DMD: variants seen among roughly 807,000 people sequenced by gnomAD.
DMD encodes mutant dystrophin.
DMD carries 63 observed loss-of-function variants against 330.1 expected under a neutral mutation model. The ratio of observed to expected loss-of-function variants is 0.19; its 90% CI spans 0.16 to 0.24. DMD has a LOEUF of 0.24. DMD is among the 10% of genes least tolerant of loss of function. The probability of loss-of-function intolerance (pLI) is 1.00; values close to 1 mark genes in which losing one functional copy is unlikely to be tolerated. For synonymous variants in DMD, 1,223 were observed against 959.8 expected (o/e 1.27, Z -5.07); for missense variants, 3,344 against 2,684.1 (o/e 1.25, Z -5.43).
intron 55 of DMD, among the ~76,000 whole-genome samples, chrX:31,570,960 A>G (rs1234712702): frequency 9.0e-6 from 1 of 111,696 alleles, no homozygotes; most frequent in Non-Finnish European, 1.9e-5. Flanking sequence ...TGGCCCATCA[A>G]TTTTTTATGA....
intron 7 of DMD, among the ~76,000 whole-genome samples, chrX:32,785,705 T>A (rs1168048670): frequency 1.8e-5 from 2 of 111,634 alleles, no homozygotes; most frequent in African/African-American, 6.5e-5. Context: ...ATATTCCATA[T>A]TTTTTAACTT....
intron 61 of DMD, among the ~76,000 whole-genome samples, chrX:31,344,042 G>GT (rs1556531449): frequency 9.9e-6 from 1 of 101,132 alleles, no homozygotes; most frequent in Non-Finnish European, 2.0e-5. Context: ...GAGTGCGGGG[G>GT]GGGGTGGATT....
chrX:33,033,717 C>CAA (rs199699033), intron 1 of DMD, among the ~76,000 whole-genome samples: 1 of 97,013 alleles, frequency 1.0e-5, no homozygotes, highest in Admixed American at 1.1e-4. Context: ...GACTCCGTCT[C>CAA]AAAAAAAAAA....
In DMD at chrX:32,105,314, T is replaced by C. The variant is rs773441150; in HGVS notation, c.6438+111602A>G. Reference sequence around the variant, plus strand: ...CAAGCACTAAATAAATGGTAGCTATTAGTGAATAATGACAATTCTATATTT... The same window carrying C: ...CAAGCACTAAATAAATGGTAGCTATCAGTGAATAATGACAATTCTATATTT... On this transcript the variant is annotated intron_variant, in intron 44 of 78. Coordinates refer to ENST00000357033, the MANE Select transcript of DMD (RefSeq NM_004006.3). Among the ~76,000 whole-genome samples the C allele has an allele frequency of 2.7e-5, 3 of 112,194 alleles. No individual in the cohort carries two copies. The South Asian group carries it at 1.1e-3, about 41-fold the overall frequency.
chrX:32,126,876 T>A (rs1386159873), intron 44 of DMD, among the ~76,000 whole-genome samples: 1 of 112,205 alleles, frequency 8.9e-6, no homozygotes, highest in Non-Finnish European at 1.9e-5. Context: ...ATCATCCTAC[T>A]TTAACATTAA....
intron 44 of DMD, among the ~76,000 whole-genome samples, chrX:32,103,472 A>G (rs2096549599): frequency 9.0e-6 from 1 of 111,288 alleles, no homozygotes; most frequent in Non-Finnish European, 1.9e-5. Context: ...TATGTCTTAC[A>G]CTCCTTCTGA....
At position 33,237,736 on chromosome X, in the gene DMD, G is replaced by A. The variant is rs771027442; in HGVS notation, c.7+101523C>T. Among the ~76,000 whole-genome samples, 37 of 111,772 alleles carry A rather than the reference G, an allele frequency of 3.3e-4. 1 individual carries two copies. Among genetic ancestry groups the A allele is most frequent in the African/African-American group, 1.0e-3 (32 of 30,740 alleles). On this transcript the variant is annotated intron_variant, in intron 1 of 17. Coordinates refer to the DMD transcript ENST00000288447. ...CTGTTCTCATTTAAAATTTTTTCAC[G>A]ATATACATCACATTTCATACAAAAT... is the stretch of plus-strand genomic sequence containing the variant.
intron 7 of DMD, among the ~76,000 whole-genome samples, chrX:32,787,024 C>A (rs2075411448): frequency 9.0e-6 from 1 of 111,579 alleles, no homozygotes; most frequent in African/African-American, 3.3e-5. Flanking sequence ...GGAACCAATT[C>A]AACCACTTTT....
intron 7 of DMD, among the ~76,000 whole-genome samples, chrX:32,798,325 T>G (rs1229153814): frequency 1.9e-5 from 2 of 105,288 alleles, no homozygotes; most frequent in Non-Finnish European, 3.8e-5. Flanking sequence ...CAGAAAATAC[T>G]CAGTTTTTTT....
rs1221628117 is a variant in DMD at position 33,147,271 on chromosome X, A to T, written c.31+64011T>A. Among the ~76,000 whole-genome samples the T allele has an allele frequency of 1.8e-5, 2 of 111,501 alleles. 1 individual carries two copies. Among genetic ancestry groups the T allele is most frequent in the Non-Finnish European group, 3.8e-5 (2 of 53,313 alleles). Reference sequence around the variant, plus strand: ...TCAAATACAGAACTTCTAATAAAACAGAGTTATTTTAAATGTATAGGGGGA... The same window carrying T: ...TCAAATACAGAACTTCTAATAAAACTGAGTTATTTTAAATGTATAGGGGGA... On this transcript the variant is annotated intron_variant, in intron 1 of 78. Coordinates refer to ENST00000357033, the MANE Select transcript of DMD (RefSeq NM_004006.3).
At chrX:31,495,591 C>G (rs141815279) in intron 57 of DMD, among the ~76,000 whole-genome samples, 2,026 of 111,737 alleles carry the variant, frequency 0.018, 51 homozygotes, top group African/African-American at 0.062. Context: ...TGCTAGTGAA[C>G]AAGTTGTTAT....
At position 32,374,349 on chromosome X, in the gene DMD, T is replaced by C. The variant is rs1459581407; in HGVS notation, c.4845+6161A>G. Among the ~76,000 whole-genome samples, 3 of 111,884 alleles carry C rather than the reference T, an allele frequency of 2.7e-5. No homozygotes were observed. The Admixed American group carries it at 2.9e-4, about 11-fold the overall frequency. ...ATTTTTGTTTTTGTTGCATTTGTCA[T>C]TGAGGTCTTGGTCATAAATTCTTTG... is the stretch of plus-strand genomic sequence containing the variant. On this transcript the variant is annotated intron_variant, in intron 34 of 78. Coordinates refer to ENST00000357033, the MANE Select transcript of DMD (RefSeq NM_004006.3).
Position 32,631,659 on chromosome X carries a change from A to G in DMD, c.1331+12473T>C, listed in dbSNP as rs769774265. Among the ~76,000 whole-genome samples the G allele has an allele frequency of 3.9e-4, 44 of 111,591 alleles. 1 individual carries two copies. The highest frequency in any genetic ancestry group is 9.4e-3 in the Middle Eastern group (2 of 212). On this transcript the variant is annotated intron_variant, in intron 11 of 78. Coordinates refer to ENST00000357033, the MANE Select transcript of DMD (RefSeq NM_004006.3). ...TCATGGCAAATTGCGAAGGAGGAGC[A>G]GTCATGTCACACGGCCAGGGAAGAG... is the stretch of plus-strand genomic sequence containing the variant.
intron 1 of DMD, among the ~76,000 whole-genome samples, chrX:33,196,275 T>G (rs761039700): frequency 9.0e-6 from 1 of 111,667 alleles, no homozygotes; most frequent in Non-Finnish European, 1.9e-5. Flanking sequence ...ATTTTATATC[T>G]AGACAGAAGT....
intron 41 of DMD, among the ~76,000 whole-genome samples, chrX:32,332,473 T>C (rs1253150394): frequency 9.7e-6 from 1 of 103,326 alleles, no homozygotes; most frequent in African/African-American, 3.7e-5. Context: ...GAAAGATTCA[T>C]TGAAAAAAAC....
At chrX:31,365,606 C>T (rs1218660568) in intron 60 of DMD, among the ~76,000 whole-genome samples, 4 of 112,065 alleles carry the variant, frequency 3.6e-5, no homozygotes, top group Admixed American at 9.4e-5. Flanking sequence ...AAGAGATACC[C>T]CCTATGTCTC....
intron 23 of DMD, among the ~76,000 whole-genome samples, chrX:32,465,519 A>G (rs2098398711): frequency 1.0e-5 from 1 of 99,638 alleles, no homozygotes; most frequent in South Asian, 4.2e-4. Flanking sequence ...TCAAGTCTAC[A>G]TTTGTTCTTA....
chrX:31,591,980 TA>T (rs1426868936), intron 55 of DMD, among the ~76,000 whole-genome samples: 1 of 110,803 alleles, frequency 9.0e-6, no homozygotes, highest in Admixed American at 9.7e-5. Context: ...CCTCCTCCTC[TA>T]AAAAGCCTTG....
At chrX:33,249,809 AC>A (rs1351599612) in intron 1 of DMD, among the ~76,000 whole-genome samples, 1 of 110,261 alleles carries the variant, frequency 9.1e-6, no homozygotes, top group East Asian at 2.8e-4. Flanking sequence ...ATTCCTAAAG[AC>A]TAAAATTTTA....
Sources: gnomAD v4.1 joint callset for allele counts (sites outside exome capture counted in the v4.1 genomes callset) on GRCh38, gnomAD v4.1.1 for gene constraint, MANE v1.5 for transcripts, NCBI Gene and HGNC (gene_info 2026-07-23, HGNC 2026-07-21) for gene names.